Variants in DNAAF11 observed in about 807,000 individuals in gnomAD.
DNAAF11 encodes the protein dynein axonemal assembly factor 11, also known as leucine rich repeat containing 6.
In DNAAF11, 45 loss-of-function variants were observed where a neutral mutation model predicts 60.8. The ratio of observed to expected loss-of-function variants is 0.74; its 90% CI spans 0.58 to 0.95. The LOEUF (loss-of-function observed/expected upper bound fraction) is 0.95, where lower values mean the gene tolerates loss of function less well. DNAAF11 is among the 40% of genes least tolerant of loss of function. The probability of loss-of-function intolerance (pLI) is 0.00; values close to 1 mark genes in which losing one functional copy is unlikely to be tolerated. For missense variants in DNAAF11, 546 were observed against 546.2 expected (o/e 1.00, Z 0.00); for synonymous variants, 191 against 183.5 (o/e 1.04, Z -0.33).
intron 6 of DNAAF11, among the ~76,000 whole-genome samples, chr8:132,624,195 C>A (rs1334488243): frequency 6.6e-6 from 1 of 152,086 alleles, no homozygotes; most frequent in Non-Finnish European, 1.5e-5. Context: ...TTTCAAAGGG[C>A]TCTTGAGTCT....
At chr8:132,700,480 G>C in the DNAAF11 span, among the ~76,000 whole-genome samples, 57 of 150,306 alleles carry the variant, frequency 3.8e-4, no homozygotes, top group Non-Finnish European at 7.1e-4. Flanking sequence ...GTGGCCAGGA[G>C]TTGAAGACCA....
intron 1 of DNAAF11, among the ~76,000 whole-genome samples, chr8:132,674,112 C>CAGGAGG (rs1289910379): frequency 4.3e-5 from 2 of 46,668 alleles, no homozygotes; most frequent in East Asian, 6.8e-4. Flanking sequence ...GGAGGAGGAG[C>CAGGAGG]AGGAGGAGGA....
rs1563992420 is a variant in DNAAF11 at position 132,595,347 on chromosome 8, G to GAA, written c.1141-11569_1141-11568insTT. 7.4e-3 allele frequency among the ~76,000 whole-genome samples: 303 copies of GAA among 40,676 alleles called. 126 individuals are homozygous for GAA. Among genetic ancestry groups the GAA allele is most frequent in the South Asian group, 0.025 (17 of 686 alleles). The allele number at this position is 40,676 out of a possible 152,430, so 26.7% of individuals were successfully genotyped here. ...TTCCCGAAAGAGAGAGAGACAGAGG[G>GAA]GAAAAAAAAAAAAAAAAAAAAAAAA... is the stretch of plus-strand genomic sequence containing the variant. On this transcript the variant is annotated intron_variant, in intron 10 of 11. Coordinates refer to ENST00000620350, the MANE Select transcript of DNAAF11 (RefSeq NM_012472.6).
intron 11 of DNAAF11, among the ~76,000 whole-genome samples, chr8:132,576,029 G>A (rs999915068): frequency 4.6e-5 from 7 of 152,124 alleles, no homozygotes; most frequent in South Asian, 2.1e-4. Flanking sequence ...TTTTCTTTTC[G>A]CTTTGAGATA....
At chr8:132,633,025 G>T in intron 4 of DNAAF11, 62 bp from the exon 5 acceptor site, 2 of 1,099,946 alleles carry the variant, frequency 1.8e-6, no homozygotes, top group Non-Finnish European at 2.7e-6. Flanking sequence ...ATCAGCCCCA[G>T]GTTGATTTTG....
chr8:132,612,394 C>T (rs909485961), intron 8 of DNAAF11, among the ~76,000 whole-genome samples: 19 of 152,102 alleles, frequency 1.2e-4, no homozygotes, highest in African/African-American at 3.1e-4. Context: ...CATGCTTGGG[C>T]CCCCTAAAAT....
At position 132,653,516 on chromosome 8, in the gene DNAAF11, C is replaced by A. The variant is rs1823235013; in HGVS notation, c.256+3314G>T. ...AAGACAATATAAATTTATTTTTGTACCTATTTTCTTCTCCTAAATTATTTA... is the reference window on the plus strand; with the variant it reads ...AAGACAATATAAATTTATTTTTGTAACTATTTTCTTCTCCTAAATTATTTA... On this transcript the variant is annotated intron_variant, in intron 3 of 11. Coordinates refer to ENST00000620350, the MANE Select transcript of DNAAF11 (RefSeq NM_012472.6). Among the ~76,000 whole-genome samples, 4 of 151,944 alleles carry A rather than the reference C, an allele frequency of 2.6e-5. No individual in the cohort carries two copies. In the South Asian group the frequency reaches 8.3e-4, roughly 32 times the overall value.
Position 132,629,589 on chromosome 8 carries a change from C to T in DNAAF11, c.653+3151G>A, listed in dbSNP as rs540634268. On this transcript the variant is annotated intron_variant, in intron 5 of 11. Coordinates refer to ENST00000620350, the MANE Select transcript of DNAAF11 (RefSeq NM_012472.6). ...GTCTCAATCTCCTGACCTCGTGATC[C>T]GCCCATCTCAGCCTCCCAAAGTGCT... Among the ~76,000 whole-genome samples the T allele has an allele frequency of 4.6e-5, 7 of 152,106 alleles. No individual in the cohort carries two copies. The South Asian group carries it at 8.3e-4, about 18-fold the overall frequency.
At chr8:132,646,988 G>C (rs1418633054) in intron 3 of DNAAF11, among the ~76,000 whole-genome samples, 13 of 151,890 alleles carry the variant, frequency 8.6e-5, no homozygotes. Flanking sequence ...TCTGCACCAA[G>C]TGGACCTAAT....
intron 5 of DNAAF11, 33 bp from the exon 6 acceptor site, chr8:132,625,487 T>A: frequency 1.3e-6 from 2 of 1,514,904 alleles, no homozygotes; most frequent in Non-Finnish European, 1.8e-6. Flanking sequence ...TTAAAAACAA[T>A]AATGGATTCA....
At chr8:132,644,254 A>G (rs938491511) in intron 3 of DNAAF11, among the ~76,000 whole-genome samples, 4 of 152,188 alleles carry the variant, frequency 2.6e-5, no homozygotes, top group African/African-American at 9.7e-5. Context: ...CTGGAAACAG[A>G]GGTAACTCAT....
intron 10 of DNAAF11, among the ~76,000 whole-genome samples, chr8:132,585,167 C>G (rs1815756968): frequency 1.3e-5 from 2 of 152,136 alleles, no homozygotes; most frequent in Non-Finnish European, 2.9e-5. Context: ...ATCTGAGACC[C>G]CAGCATCAAG....
chr8:132,679,067 CAG>C (rs538931649), upstream of DNAAF11, among the ~76,000 whole-genome samples: 24,849 of 152,182 alleles, frequency 0.16, 5,692 homozygotes, highest in African/African-American at 0.52. Flanking sequence ...AACCCTCAAG[CAG>C]GTCATATTGT....
In DNAAF11 at chr8:132,661,449, C is replaced by T; in HGVS notation, c.178+11G>A. The T allele has an allele frequency of 6.2e-7, 1 of 1,607,304 alleles. No homozygotes were observed. Among genetic ancestry groups the T allele is most frequent in the Non-Finnish European group, 8.5e-7 (1 of 1,175,458 alleles). On this transcript the variant is annotated intron_variant, in intron 2 of 11. Transcript: ENST00000620350. ...TTCAAGAAACCATGAGAACTAAGTA[C>T]TGAAACTTACCAATTTTCCCAATAA...
At chr8:132,694,817 A>G in the DNAAF11 span, among the ~76,000 whole-genome samples, 1 of 152,224 alleles carries the variant, frequency 6.6e-6, no homozygotes, top group Admixed American at 6.5e-5. Context: ...TGGAGGAGTC[A>G]TGGTTTACAG....
At chr8:132,598,646 C>T (rs1216314728) in intron 10 of DNAAF11, among the ~76,000 whole-genome samples, 2 of 152,016 alleles carry the variant, frequency 1.3e-5, no homozygotes, top group Non-Finnish European at 2.9e-5. Context: ...ATGTAAAAAC[C>T]CTAAGTATAA....
At chr8:132,675,705 CA>C (rs1825733404), upstream of DNAAF11, 1 of 443,672 alleles carries the variant, frequency 2.3e-6, no homozygotes. Context: ...GCTCAGCAGA[CA>C]GGGGTTCCCC....
chr8:132,643,166 C>A (rs1586670345), intron 3 of DNAAF11, among the ~76,000 whole-genome samples: 1 of 152,194 alleles, frequency 6.6e-6, no homozygotes, highest in East Asian at 1.9e-4. Context: ...CAGCCGGTTC[C>A]TAACAGGCCA....
At chr8:132,582,010 T>A in intron 11 of DNAAF11, among the ~76,000 whole-genome samples, 1 of 152,154 alleles carries the variant, frequency 6.6e-6, no homozygotes, top group East Asian at 1.9e-4. Flanking sequence ...CTCCTCAGCA[T>A]GAGAAACAAA....
Sources: gnomAD v4.1 joint callset for allele counts (sites outside exome capture counted in the v4.1 genomes callset) on GRCh38, gnomAD v4.1.1 for gene constraint, MANE v1.5 for transcripts, NCBI Gene and HGNC (gene_info 2026-07-23, HGNC 2026-07-21) for gene names.